GRIN3A: variants seen among roughly 807,000 people sequenced by gnomAD.
GRIN3A encodes the protein glutamate receptor ionotropic, NMDA 3A.
A neutral mutation model predicts 92.4 loss-of-function variants in GRIN3A; 47 were observed. That is an observed-to-expected ratio of 0.51 (90% CI 0.40 to 0.65). GRIN3A has a LOEUF of 0.65. Among genes scored for constraint, GRIN3A ranks in the 30% least tolerant of loss-of-function variants. The pLI, the probability that GRIN3A is intolerant of heterozygous loss-of-function variation, is 0.00. For synonymous variants in GRIN3A, 527 were observed against 540.6 expected (o/e 0.97, Z 0.35); for missense variants, 1,324 against 1,393.1 (o/e 0.95, Z 0.79).
At chr9:101,599,441 G>T (rs1001858397) in intron 6 of GRIN3A, among the ~76,000 whole-genome samples, 1 of 152,164 alleles carries the variant, frequency 6.6e-6, no homozygotes, top group African/African-American at 2.4e-5. Context: ...ATGTAGCTCA[G>T]CATTATTATG....
intron 6 of GRIN3A, among the ~76,000 whole-genome samples, chr9:101,597,613 T>C (rs1828154023): frequency 6.6e-6 from 1 of 151,480 alleles, no homozygotes. Flanking sequence ...GTATCTCACT[T>C]GCAGACACTC....
At chr9:101,625,179 T>A (rs1427740841) in intron 4 of GRIN3A, among the ~76,000 whole-genome samples, 1 of 152,166 alleles carries the variant, frequency 6.6e-6, no homozygotes, top group Non-Finnish European at 1.5e-5. Flanking sequence ...AGGTATTTAT[T>A]TTTTAAAAAT....
intron 3 of GRIN3A, 60 bp from the exon 4 acceptor site, chr9:101,628,461 AT>A (rs932103472): frequency 2.6e-6 from 4 of 1,518,374 alleles, no homozygotes; most frequent in Non-Finnish European, 3.6e-6. Context: ...GTTTTTTAAC[AT>A]TTTTTTCATA....
intron 3 of GRIN3A, among the ~76,000 whole-genome samples, chr9:101,637,850 C>T (rs563928345): frequency 3.5e-4 from 53 of 152,166 alleles, no homozygotes; most frequent in African/African-American, 1.2e-3. Flanking sequence ...GATTTAGGCC[C>T]ATAATAAGTG....
intron 1 of GRIN3A, among the ~76,000 whole-genome samples, chr9:101,701,150 A>C (rs555370483): frequency 6.6e-6 from 1 of 152,288 alleles, no homozygotes; most frequent in East Asian, 1.9e-4. Context: ...TAAAGCTCAG[A>C]TTACTATGAA....
intron 6 of GRIN3A, among the ~76,000 whole-genome samples, chr9:101,589,611 C>A (rs1310058518): frequency 6.6e-6 from 1 of 152,104 alleles, no homozygotes; most frequent in Non-Finnish European, 1.5e-5. Context: ...ATATCAGACA[C>A]AATGAAGCTT....
intron 4 of GRIN3A, among the ~76,000 whole-genome samples, chr9:101,626,133 G>A (rs1828631528): frequency 1.3e-5 from 2 of 152,304 alleles, no homozygotes; most frequent in African/African-American, 2.4e-5. Context: ...CTGAATCACT[G>A]TTGTGGTTCA....
chr9:101,737,347 C>A lies in GRIN3A; in HGVS notation c.633G>T (p.Leu211Phe). ...CTGGAATGTGCAGGACTAAGCTGAC[C>A]AAGTCGAGCTCCATCATTTCGCCCT... ...QSQGEMMELD[L>F]VSLVLHIPVI... Residue 211 changes from leucine to phenylalanine, a missense_variant, in exon 1 of 9, where the codon TTG becomes TTT. Transcript: ENST00000361820. 11 of 1,614,218 alleles carry A rather than the reference C, an allele frequency of 6.8e-6. No individual in the cohort carries two copies. Among genetic ancestry groups the A allele is most frequent in the Non-Finnish European group, 9.3e-6 (11 of 1,180,044 alleles).
intron 3 of GRIN3A, among the ~76,000 whole-genome samples, chr9:101,666,797 C>G (rs749104161): frequency 1.3e-5 from 2 of 152,052 alleles, no homozygotes; most frequent in African/African-American, 2.4e-5. Context: ...CCTCTCCCAA[C>G]CAATTAATTG....
intron 3 of GRIN3A, among the ~76,000 whole-genome samples, chr9:101,654,653 G>A (rs7030623): frequency 0.47 from 70,771 of 150,790 alleles, 16,759 homozygotes; most frequent in Middle Eastern, 0.53. Context: ...ATTAAGAGAG[G>A]TTTCCTCTCC....
chr9:101,705,983 G>C (rs943652908), intron 1 of GRIN3A, among the ~76,000 whole-genome samples: 1 of 152,026 alleles, frequency 6.6e-6, no homozygotes, highest in Admixed American at 6.6e-5. Context: ...TTACTGTCTG[G>C]TGAGACTGTT....
At chr9:101,660,796 A>T (rs1457716536) in intron 3 of GRIN3A, among the ~76,000 whole-genome samples, 1 of 151,512 alleles carries the variant, frequency 6.6e-6, no homozygotes, top group African/African-American at 2.4e-5. Flanking sequence ...GTTCCACAGC[A>T]TCTAGTATAA....
At chr9:101,733,071 A>G (rs1588302260) in intron 1 of GRIN3A, among the ~76,000 whole-genome samples, 1 of 152,198 alleles carries the variant, frequency 6.6e-6, no homozygotes, top group Non-Finnish European at 1.5e-5. Flanking sequence ...TACAAAATCC[A>G]TGGTGCCTTC....
In GRIN3A at chr9:101,686,890, C is replaced by T. The variant is rs564083866; in HGVS notation, c.1010G>A (p.Arg337Gln). The change falls in exon 2 of 9, where the codon CGG becomes CAG. Residue 337 changes from arginine (R) to glutamine (Q), a missense_variant. By Grantham distance (43) the Arg-to-Gln change is conservative (BLOSUM62 1). Transcript: ENST00000361820. ...MFGCDMESIRRIFEITTQFGV... is the reference protein window; with the variant it reads ...MFGCDMESIRQIFEITTQFGV... Reference sequence around the variant, plus strand: ...AAACTGGGTTGTAATTTCGAAAATCCGCCGGATACTTTCCATGTCGCAGCC... The same window carrying T: ...AAACTGGGTTGTAATTTCGAAAATCTGCCGGATACTTTCCATGTCGCAGCC... The T allele has an allele frequency of 3.3e-5, 53 of 1,614,178 alleles. No individual in the cohort carries two copies. Among genetic ancestry groups the T allele is most frequent in the African/African-American group, 2.5e-4 (19 of 75,044 alleles).
intron 1 of GRIN3A, among the ~76,000 whole-genome samples, chr9:101,699,292 A>G (rs1305462670): frequency 1.3e-5 from 2 of 152,176 alleles, no homozygotes; most frequent in African/African-American, 4.8e-5. Flanking sequence ...ATGACAATGC[A>G]TGGGGCTGTC....
intron 3 of GRIN3A, among the ~76,000 whole-genome samples, chr9:101,635,915 G>A (rs554876678): frequency 6.6e-5 from 10 of 152,290 alleles, no homozygotes; most frequent in Admixed American, 3.3e-4. Context: ...TTTTGAGATG[G>A]AGTCTCACTC....
chr9:101,712,971 A>G (rs1829898331), intron 1 of GRIN3A, among the ~76,000 whole-genome samples: 1 of 152,246 alleles, frequency 6.6e-6, no homozygotes, highest in Admixed American at 6.5e-5. Flanking sequence ...ACTAAGGCAT[A>G]GAGAGCTTAG....
chr9:101,605,898 C>T (rs939685437), intron 6 of GRIN3A, among the ~76,000 whole-genome samples: 1 of 152,142 alleles, frequency 6.6e-6, no homozygotes, highest in Admixed American at 6.6e-5. Context: ...CGGAGGAGAT[C>T]CCTGGATTCA....
chr9:101,662,370 C>G (rs1161275203), intron 3 of GRIN3A, among the ~76,000 whole-genome samples: 1 of 151,552 alleles, frequency 6.6e-6, no homozygotes, highest in Non-Finnish European at 1.5e-5. Flanking sequence ...TTATTTTGTG[C>G]CCCTTAGGTG....
Sources: allele counts gnomAD v4.1 joint callset (sites outside exome capture counted in the v4.1 genomes callset), GRCh38; gene constraint gnomAD v4.1.1; transcripts MANE v1.5; gene names NCBI Gene and HGNC (gene_info 2026-07-23, HGNC 2026-07-21).